Variants in DPP6 observed in about 807,000 individuals in gnomAD.
DPP6 encodes the protein A-type potassium channel modulatory protein DPP6.
A neutral mutation model predicts 122.6 loss-of-function variants in DPP6; 69 were observed. The ratio of observed to expected loss-of-function variants is 0.56; its 90% CI spans 0.46 to 0.69. DPP6 has a LOEUF of 0.69. Among genes scored for constraint, DPP6 ranks in the 30% least tolerant of loss-of-function variants. The probability of loss-of-function intolerance (pLI) is 0.00; values close to 1 mark genes in which losing one functional copy is unlikely to be tolerated. For missense variants in DPP6, 928 were observed against 1,116.9 expected, an observed-to-expected ratio of 0.83 and a Z score of 2.41; for synonymous variants, 418 against 433.1, an observed-to-expected ratio of 0.97 and a Z score of 0.43.
chr7:153,864,638 CAG>C, the DPP6 span, among the ~76,000 whole-genome samples: 1 of 150,808 alleles, frequency 6.6e-6, no homozygotes, highest in Non-Finnish European at 1.5e-5. Flanking sequence ...GCCTGGGCAA[CAG>C]AGCAAGACTC....
intron 8 of DPP6, among the ~76,000 whole-genome samples, chr7:154,752,044 C>T (rs903594601): frequency 1.7e-4 from 26 of 152,298 alleles, no homozygotes; most frequent in African/African-American, 6.3e-4. Flanking sequence ...TGCTCAGTTA[C>T]AGAGCAGGGC....
chr7:154,028,507 G>A (rs1166614152), intron 1 of DPP6, among the ~76,000 whole-genome samples: 8 of 151,464 alleles, frequency 5.3e-5, no homozygotes, highest in South Asian at 2.1e-4. Context: ...GACTGTCATC[G>A]ATGTGCACGC....
At chr7:154,418,277 A>G (rs576684999) in intron 1 of DPP6, among the ~76,000 whole-genome samples, 6 of 152,358 alleles carry the variant, frequency 3.9e-5, no homozygotes, top group Non-Finnish European at 7.4e-5. Flanking sequence ...TGGCTTTGGT[A>G]GCATCCTTTT....
At chr7:154,616,434 C>G (rs531277786) in intron 5 of DPP6, among the ~76,000 whole-genome samples, 71 of 152,266 alleles carry the variant, frequency 4.7e-4, no homozygotes, top group African/African-American at 1.7e-3. Context: ...GCCCCCCTCC[C>G]CTCCTTTATT....
chr7:154,760,599 T>C lies in DPP6; in HGVS notation c.884-8818T>C, dbSNP rs1795475293. ...AGGATGCTTGCTTATTTCTTGTCTCTTGAGCAACTGAGTGGGTGGATGACC... is the reference window on the plus strand; with the variant it reads ...AGGATGCTTGCTTATTTCTTGTCTCCTGAGCAACTGAGTGGGTGGATGACC... On this transcript the variant is annotated intron_variant, in intron 8 of 25. Coordinates refer to ENST00000377770, the MANE Select transcript of DPP6 (RefSeq NM_130797.4). The surrounding 1 kb of genome is among the most constrained non-coding windows in gnomAD (Gnocchi z 4.5). Among the ~76,000 whole-genome samples the C allele has an allele frequency of 6.6e-6, 1 of 152,192 alleles. No homozygotes were observed. The highest frequency in any genetic ancestry group is 2.4e-5 in the African/African-American group (1 of 41,442).
intron 8 of DPP6, among the ~76,000 whole-genome samples, chr7:154,763,013 C>A (rs1795657755): frequency 6.6e-6 from 1 of 152,244 alleles, no homozygotes; most frequent in Non-Finnish European, 1.5e-5. Flanking sequence ...TCGTGGCTGC[C>A]TTTGACTTCT....
the DPP6 span, among the ~76,000 whole-genome samples, chr7:153,811,563 T>A: frequency 6.6e-6 from 1 of 152,198 alleles, no homozygotes; most frequent in African/African-American, 2.4e-5. Flanking sequence ...GAAGGCATTG[T>A]GTCCACCCTC....
At chr7:154,589,191 A>G (rs1249543399) in intron 5 of DPP6, among the ~76,000 whole-genome samples, 2 of 152,208 alleles carry the variant, frequency 1.3e-5, no homozygotes, top group African/African-American at 4.8e-5. Flanking sequence ...CTTTCTCAGC[A>G]TGAATGTACG....
chr7:153,796,272 A>G, the DPP6 span, among the ~76,000 whole-genome samples: 145 of 132,218 alleles, frequency 1.1e-3, no homozygotes, highest in African/African-American at 4.0e-3. Context: ...TGTTTCATGT[A>G]GTTTGAAGCT....
At chr7:154,615,935 C>G (rs1006700174) in intron 5 of DPP6, among the ~76,000 whole-genome samples, 1 of 152,196 alleles carries the variant, frequency 6.6e-6, no homozygotes. Context: ...TGCCTGAATT[C>G]CCCAGGAGTT....
At chr7:153,869,598 CTA>C in the DPP6 span, among the ~76,000 whole-genome samples, 2 of 151,984 alleles carry the variant, frequency 1.3e-5, no homozygotes, top group Admixed American at 6.6e-5. Context: ...GGTCTTGACT[CTA>C]TTCAATTTGC....
chr7:154,861,377 TATG>T (rs1803383714), intron 17 of DPP6, among the ~76,000 whole-genome samples: 1 of 152,238 alleles, frequency 6.6e-6, no homozygotes, highest in Non-Finnish European at 1.5e-5. Flanking sequence ...TACATAATCC[TATG>T]ATATCTAAGT....
intron 1 of DPP6, among the ~76,000 whole-genome samples, chr7:154,100,964 G>A (rs966728250): frequency 5.0e-5 from 7 of 140,608 alleles, no homozygotes; most frequent in Non-Finnish European, 9.5e-5. Flanking sequence ...TCACCTCCCC[G>A]TGACCGTGCA....
At chr7:154,122,336 T>G (rs1406701247) in intron 1 of DPP6, among the ~76,000 whole-genome samples, 1 of 152,106 alleles carries the variant, frequency 6.6e-6, no homozygotes, top group African/African-American at 2.4e-5. Context: ...GTACTGAGGA[T>G]CCAGTTAAAA....
At chr7:154,775,733 C>A (rs1388473553) in intron 10 of DPP6, among the ~76,000 whole-genome samples, 3 of 152,158 alleles carry the variant, frequency 2.0e-5, no homozygotes, top group Non-Finnish European at 2.9e-5. Flanking sequence ...GAAATCAAGC[C>A]CAGCATGTCC....
In DPP6 at chr7:154,031,877, T is replaced by TG. The variant is rs1368257614; in HGVS notation, c.51+144148dup. ...CTTTTTTTTGTTTTTTTTTTTTTTT[T>TG]GGGGGACGGGGTCTCGCTCTGTCAC... On this transcript the variant is annotated intron_variant, in intron 1 of 25. Coordinates refer to the DPP6 transcript ENST00000404039. Among the ~76,000 whole-genome samples the TG allele has an allele frequency of 7.7e-3, 668 of 86,754 alleles. 7 individuals carry two copies. The highest frequency in any genetic ancestry group is 0.014 in the African/African-American group (241 of 17,712). 56.9% of individuals were successfully genotyped at this position (86,754 alleles called of 152,430 possible). A position where few individuals can be genotyped will look rare whatever the true frequency, so the allele number is the denominator to read the frequency against.
At chr7:154,484,059 C>T (rs1006803266) in intron 3 of DPP6, among the ~76,000 whole-genome samples, 5 of 152,202 alleles carry the variant, frequency 3.3e-5, no homozygotes, top group African/African-American at 1.2e-4. Context: ...ACAAGGCCAA[C>T]TGGCTTTGTC....
At chr7:154,120,446 A>G (rs1375902352) in intron 1 of DPP6, among the ~76,000 whole-genome samples, 7 of 152,100 alleles carry the variant, frequency 4.6e-5, no homozygotes, top group South Asian at 4.2e-4. Context: ...GGGTTTCACC[A>G]TGTTAGCCAG....
intron 10 of DPP6, among the ~76,000 whole-genome samples, chr7:154,773,909 G>A (rs1796410132): frequency 6.6e-6 from 1 of 152,170 alleles, no homozygotes; most frequent in African/African-American, 2.4e-5. Flanking sequence ...CTGGTCTCCT[G>A]CAGTGGCTCC....
Sources: allele counts gnomAD v4.1 joint callset (sites outside exome capture counted in the v4.1 genomes callset), GRCh38; gene constraint gnomAD v4.1.1; non-coding constraint Gnocchi (gnomAD v3.1); transcripts MANE v1.5; gene names NCBI Gene and HGNC (gene_info 2026-07-23, HGNC 2026-07-21).